The following MS4A6A variants were observed in gnomAD, a reference collection of about 807,000 sequenced individuals.
The protein encoded by MS4A6A is membrane-spanning 4-domains subfamily A member 6A.
MS4A6A carries 19 observed loss-of-function variants against 20.6 expected under a neutral mutation model. The observed-to-expected ratio is 0.92, with a 90% CI of 0.64 to 1.36. The LOEUF is 1.36. Among genes scored for constraint, MS4A6A ranks in the 40% most tolerant of loss-of-function variants. The pLI is 0.00. For synonymous variants in MS4A6A, 108 were observed against 105.0 expected, an observed-to-expected ratio of 1.03 and a Z score of -0.17; for missense variants, 272 against 261.1, an observed-to-expected ratio of 1.04 and a Z score of -0.29.
chr11:60,180,034 C>G lies in MS4A6A; in HGVS notation c.148-69G>C. The G allele has an allele frequency of 4.7e-6, 7 of 1,482,048 alleles. No individual in the cohort carries two copies. The South Asian group carries it at 7.4e-5, about 16-fold the overall frequency. The allele number at this position is 1,482,048 out of a possible 1,614,324, so 91.8% of individuals were successfully genotyped here. On this transcript the variant is annotated intron_variant, in intron 2 of 5. Transcript: ENST00000528851. Reference sequence around the variant, plus strand: ...GTAAAGACAGGGCCTTTTTGCCGCTCCCATGGCACTAATGCATTATCGCCT... The same window carrying G: ...GTAAAGACAGGGCCTTTTTGCCGCTGCCATGGCACTAATGCATTATCGCCT...
chr11:60,172,184 C>T, downstream of MS4A6A: 1 of 1,613,002 alleles, frequency 6.2e-7, no homozygotes, highest in Non-Finnish European at 8.5e-7. Flanking sequence ...TCTTCATATC[C>T]ACAGTCATGA....
intron 5 of MS4A6A, among the ~76,000 whole-genome samples, chr11:60,174,622 C>T (rs969373831): frequency 2.0e-5 from 3 of 152,156 alleles, no homozygotes; most frequent in Non-Finnish European, 2.9e-5. Flanking sequence ...CTGACCCAGC[C>T]GTCCCTTTAC....
intron 4 of MS4A6A, 138 bp downstream of exon 4, chr11:60,178,122 C>T: frequency 2.7e-6 from 2 of 743,136 alleles, no homozygotes; most frequent in South Asian, 3.2e-5. Context: ...GATCCAGGCC[C>T]AGCTCCTAAT....
intron 1 of MS4A6A, among the ~76,000 whole-genome samples, chr11:60,182,127 A>G (rs912396461): frequency 1.3e-5 from 2 of 152,256 alleles, no homozygotes; most frequent in South Asian, 4.1e-4. Context: ...CTGCTTACTT[A>G]TTTCTTGTTT....
downstream of MS4A6A, among the ~76,000 whole-genome samples, chr11:60,171,768 T>C (rs924752900): frequency 1.3e-5 from 2 of 152,192 alleles, no homozygotes; most frequent in African/African-American, 4.8e-5. Context: ...TTAACTCCTG[T>C]TGACAATTAA....
At chr11:60,177,883 T>A (rs766036805) in intron 4 of MS4A6A, 4 of 236,848 alleles carry the variant, frequency 1.7e-5, no homozygotes, top group Non-Finnish European at 2.5e-5. Flanking sequence ...CACCTGGGCT[T>A]AAAGAATGGA....
chr11:60,175,494 T>C lies in MS4A6A; in HGVS notation c.457A>G (p.Lys153Glu). ...NPASLQCELD[K>E]NNIPTRSYVS... is the part of the protein sequence containing the mutation. ...TAACTTCTTGTTGGTATATTATTTT[T>C]GTCCAACTCACACTGCAGTGAGGCA... Residue 153 changes from lysine to glutamate, a missense_variant, in exon 5 of 6, where the codon AAA becomes GAA. Coordinates refer to ENST00000528851, the MANE Select transcript of MS4A6A (RefSeq NM_022349.4). 6.2e-7 allele frequency: 1 copy of C among 1,614,184 alleles called. No homozygotes were observed. Among genetic ancestry groups the C allele is most frequent in the South Asian group, 1.1e-5 (1 of 91,076 alleles).
chr11:60,175,095 G>T (rs779016053), intron 5 of MS4A6A, among the ~76,000 whole-genome samples: 3 of 151,990 alleles, frequency 2.0e-5, no homozygotes, highest in Non-Finnish European at 4.4e-5. Flanking sequence ...CATGTACCAA[G>T]ATTCTCATTT....
At chr11:60,183,298 G>T, upstream of MS4A6A, 1 of 897,332 alleles carries the variant, frequency 1.1e-6, no homozygotes, top group Non-Finnish European at 1.7e-6. Flanking sequence ...CCTGTTGTTA[G>T]GCAAGTCTGT....
chr11:60,179,846 G>A lies in MS4A6A; in HGVS notation c.267C>T (p.Phe89=), dbSNP rs965421643. ...TSTLLNSAYP[F]IGPFFFIISG... is the part of the protein sequence containing the mutation. ...CTCTACTCACAAAAAAGGGTCCTAT[G>A]AATGGGTAAGCAGAGTTCAACAGTG... The change falls in exon 3 of 6, where the codon TTC becomes TTT. Residue 89 remains phenylalanine, a synonymous_variant. Coordinates refer to ENST00000528851, the MANE Select transcript of MS4A6A (RefSeq NM_022349.4). 1 of 1,614,080 alleles carries A rather than the reference G, an allele frequency of 6.2e-7. No homozygotes were observed. Among genetic ancestry groups the A allele is most frequent in the Non-Finnish European group, 8.5e-7 (1 of 1,180,004 alleles).
intron 3 of MS4A6A, chr11:60,179,438 G>A (rs1857011885): frequency 3.9e-6 from 2 of 518,132 alleles, no homozygotes; most frequent in South Asian, 4.9e-5. Context: ...CAAGCATGGG[G>A]GGGATAACAG....
chr11:60,181,837 G>GC (rs1857152961), intron 1 of MS4A6A, 96 bp from the exon 2 acceptor site: 1 of 1,214,030 alleles, frequency 8.2e-7, no homozygotes, highest in East Asian at 2.3e-5. Context: ...ATTAGTCTAG[G>GC]CTTGGCCTGT....
At position 60,175,562 on chromosome 11, in the gene MS4A6A, A is replaced by T; in HGVS notation, c.389T>A (p.Val130Glu). 2 of 1,614,008 alleles carry T rather than the reference A, an allele frequency of 1.2e-6. No individual in the cohort carries two copies. Among genetic ancestry groups the T allele is most frequent in the Non-Finnish European group, 1.7e-6 (2 of 1,180,024 alleles). ...TTTGACAGACAGGATAATGAAACCCACCAGGGCAGACAGAGCACTCAGAAT... is the reference window on the plus strand; with the variant it reads ...TTTGACAGACAGGATAATGAAACCCTCCAGGGCAGACAGAGCACTCAGAAT... ...GSILSALSALVGFIILSVKQA... is the reference protein window; with the variant it reads ...GSILSALSALEGFIILSVKQA... Residue 130 changes from valine (V) to glutamate (E), a missense_variant, in exon 5 of 6, where the codon GTG becomes GAG. By Grantham distance (121) the Val-to-Glu change is moderately radical (BLOSUM62 -2). Coordinates refer to ENST00000528851, the MANE Select transcript of MS4A6A (RefSeq NM_022349.4).
chr11:60,172,223 C>G, downstream of MS4A6A: 1 of 1,613,300 alleles, frequency 6.2e-7, no homozygotes, highest in Non-Finnish European at 8.5e-7. Context: ...CCAGAATTAC[C>G]AATGTAACTG....
chr11:60,178,886 C>G (rs1856985702), intron 3 of MS4A6A: 1 of 423,326 alleles, frequency 2.4e-6, no homozygotes, highest in Non-Finnish European at 4.6e-6. Flanking sequence ...CTATAAAAAT[C>G]TCAGCCAGCG....
Position 60,181,661 on chromosome 11 carries a change from G to C in MS4A6A, c.67C>G (p.Gln23Glu), listed in dbSNP as rs1460571884. The C allele has an allele frequency of 1.2e-6, 2 of 1,614,108 alleles. No homozygotes were observed. The highest frequency in any genetic ancestry group is 1.7e-6 in the Non-Finnish European group (2 of 1,179,988). The change falls in exon 2 of 6, where the codon CAA becomes GAA. Residue 23 changes from glutamine to glutamate, a missense_variant. Coordinates refer to ENST00000528851, the MANE Select transcript of MS4A6A (RefSeq NM_022349.4). The stretch of plus-strand genomic sequence containing the variant: ...TTGGTGGGTTCGGGTTTCTCTGCTT[G>C]GGAGAAGTTGATGACATTTGATGGG... ...VLPSNVINFS[Q>E]AEKPEPTNQG... is the part of the protein sequence containing the mutation.
chr11:60,180,942 G>A (rs1362282415), intron 2 of MS4A6A: 3 of 428,292 alleles, frequency 7.0e-6, no homozygotes, highest in African/African-American at 4.1e-5. Context: ...AGTCCCACCA[G>A]GTCCTGAAAT....
intron 3 of MS4A6A, chr11:60,178,687 G>A: frequency 9.6e-6 from 3 of 310,968 alleles, no homozygotes; most frequent in Non-Finnish European, 1.9e-5. Context: ...TTACAGAGGA[G>A]AAATCTGGAA....
At chr11:60,172,046 A>G (rs1565095437), downstream of MS4A6A, 8 of 1,020,362 alleles carry the variant, frequency 7.8e-6, no homozygotes, top group East Asian at 2.0e-4. Context: ...TTTAATGTTC[A>G]TTACTTTAAA....
Sources: allele counts gnomAD v4.1 joint callset (sites outside exome capture counted in the v4.1 genomes callset), GRCh38; gene constraint gnomAD v4.1.1; transcripts MANE v1.5; gene names NCBI Gene and HGNC (gene_info 2026-07-23, HGNC 2026-07-21).